CMSS1: variants seen among roughly 807,000 people sequenced by gnomAD.
CMSS1 encodes protein CMSS1.
A neutral mutation model predicts 43.5 loss-of-function variants in CMSS1; 33 were observed. The ratio of observed to expected loss-of-function variants is 0.76; its 90% CI spans 0.57 to 1.01. The LOEUF is 1.01. Ranked by LOEUF, CMSS1 falls within the 50% of genes least tolerant of loss-of-function variation. CMSS1 has a pLI of 0.00. For missense variants in CMSS1, 313 were observed against 326.4 expected (o/e 0.96, Z 0.32); for synonymous variants, 115 against 117.2 (o/e 0.98, Z 0.12).
At chr3:100,099,234 T>TTAG (rs2066263244) in intron 1 of CMSS1, among the ~76,000 whole-genome samples, 1 of 152,180 alleles carries the variant, frequency 6.6e-6, no homozygotes, top group Non-Finnish European at 1.5e-5. Context: ...ATTTATCATC[T>TTAG]TAGTACGCAC....
chr3:99,944,300 A>G (rs1309287224), intron 1 of CMSS1, among the ~76,000 whole-genome samples: 1 of 152,202 alleles, frequency 6.6e-6, no homozygotes, highest in African/African-American at 2.4e-5. Flanking sequence ...ATAGGGAACT[A>G]TGATCCTGCC....
intron 1 of CMSS1, among the ~76,000 whole-genome samples, chr3:99,939,662 A>T (rs1039501369): frequency 5.3e-5 from 8 of 152,216 alleles, no homozygotes; most frequent in Admixed American, 2.6e-4. Context: ...TTAAGTATGG[A>T]TCCAAAAATT....
intron 1 of CMSS1, among the ~76,000 whole-genome samples, chr3:99,955,268 G>T (rs968381682): frequency 6.6e-6 from 1 of 152,150 alleles, no homozygotes; most frequent in Non-Finnish European, 1.5e-5. Context: ...AGAGCTATTA[G>T]CAAAACTTAG....
chr3:100,117,832 T>TATAC, intron 1 of CMSS1, among the ~76,000 whole-genome samples: 2 of 90,376 alleles, frequency 2.2e-5, no homozygotes, highest in African/African-American at 5.0e-5. Context: ...GCAGTATATA[T>TATAC]ATATATATAT....
intron 1 of CMSS1, chr3:99,830,241 A>G (rs1350079112): frequency 2.9e-6 from 1 of 343,110 alleles, no homozygotes; most frequent in East Asian, 7.5e-5. Flanking sequence ...ATATACACAT[A>G]TAGAAGTAAA....
Position 99,880,718 on chromosome 3 carries a change from C to A in CMSS1, c.64+62675C>A, listed in dbSNP as rs572363433. 2.0e-5 allele frequency among the ~76,000 whole-genome samples: 3 copies of A among 151,928 alleles called. No homozygotes were observed. The South Asian group carries it at 6.2e-4, about 32-fold the overall frequency. On this transcript the variant is annotated intron_variant, in intron 1 of 9. Transcript: ENST00000421999. ...TTTTTTATTTTAAAATTAATAGGCA[C>A]CCTTCATAATTTGGAAAATGCATAA...
intron 1 of CMSS1, among the ~76,000 whole-genome samples, chr3:99,970,832 G>A (rs1708791563): frequency 6.6e-6 from 1 of 152,184 alleles, no homozygotes. Context: ...ATTTTAAGAA[G>A]CAAAATGTTG....
intron 1 of CMSS1, among the ~76,000 whole-genome samples, chr3:100,052,701 A>G (rs558474158): frequency 5.8e-4 from 89 of 152,318 alleles, no homozygotes; most frequent in African/African-American, 2.1e-3. Flanking sequence ...TAAGATAAGT[A>G]TATTCTAAAA....
chr3:99,905,321 A>T (rs1050561874), intron 1 of CMSS1, among the ~76,000 whole-genome samples: 5 of 151,722 alleles, frequency 3.3e-5, no homozygotes, highest in Admixed American at 3.3e-4. Context: ...GTGTGCACTT[A>T]CTCCTAGATA....
At chr3:99,990,250 TAGAC>T (rs571681321) in intron 1 of CMSS1, among the ~76,000 whole-genome samples, 3 of 152,138 alleles carry the variant, frequency 2.0e-5, no homozygotes, top group South Asian at 4.1e-4. Context: ...GAGGCAAAGA[TAGAC>T]AGAAAGAGAT....
chr3:100,097,870 A>T (rs1005835844), intron 1 of CMSS1, among the ~76,000 whole-genome samples: 2 of 152,168 alleles, frequency 1.3e-5, no homozygotes, highest in African/African-American at 4.8e-5. Context: ...GCTTTGTTGC[A>T]CTTTTTCTGA....
chr3:99,936,211 G>A (rs958077865), intron 1 of CMSS1, among the ~76,000 whole-genome samples: 3 of 151,740 alleles, frequency 2.0e-5, no homozygotes, highest in African/African-American at 4.8e-5. Flanking sequence ...ATATGGTATC[G>A]AGGTAGCCAA....
chr3:100,109,903 A>ACCC (rs35074224), intron 1 of CMSS1: 1 of 72,322 alleles, frequency 1.4e-5, no homozygotes, highest in African/African-American at 5.7e-5. Context: ...TTCTTTTATG[A>ACCC]CCCCCCCCCC....
intron 1 of CMSS1, among the ~76,000 whole-genome samples, chr3:99,926,085 G>C (rs566788122): frequency 2.0e-4 from 30 of 152,330 alleles, no homozygotes; most frequent in Non-Finnish European, 3.8e-4. Context: ...AAAAGATTTA[G>C]AATGTGTGAC....
intron 1 of CMSS1, chr3:99,848,266 G>A: frequency 2.5e-6 from 4 of 1,611,222 alleles, no homozygotes; most frequent in Non-Finnish European, 3.4e-6. Flanking sequence ...GGATGAGGGT[G>A]AGCGTGGTCA....
At chr3:100,089,762 C>T (rs1006455243) in intron 1 of CMSS1, among the ~76,000 whole-genome samples, 1 of 152,144 alleles carries the variant, frequency 6.6e-6, no homozygotes, top group Admixed American at 6.5e-5. Flanking sequence ...AGAAGACACC[C>T]GTGGCTAATT....
At chr3:99,836,813 A>G (rs1000276291) in intron 1 of CMSS1, among the ~76,000 whole-genome samples, 2 of 152,240 alleles carry the variant, frequency 1.3e-5, no homozygotes, top group Non-Finnish European at 1.5e-5. Flanking sequence ...CCTCTCTTCC[A>G]GTAACCTGGC....
At chr3:99,988,593 A>G (rs1439897717) in intron 1 of CMSS1, among the ~76,000 whole-genome samples, 1 of 152,042 alleles carries the variant, frequency 6.6e-6, no homozygotes, top group East Asian at 1.9e-4. Flanking sequence ...TTTCTCTTAT[A>G]AGAAAAACTT....
At chr3:99,909,370 C>T (rs903293545) in intron 1 of CMSS1, among the ~76,000 whole-genome samples, 4 of 152,058 alleles carry the variant, frequency 2.6e-5, no homozygotes, top group Non-Finnish European at 5.9e-5. Context: ...TCATATATAT[C>T]CATGTAGGAA....
Sources: gnomAD v4.1 joint callset for allele counts (sites outside exome capture counted in the v4.1 genomes callset) on GRCh38, gnomAD v4.1.1 for gene constraint, MANE v1.5 for transcripts, NCBI Gene and HGNC (gene_info 2026-07-23, HGNC 2026-07-21) for gene names.